Variants in NBEA observed in about 807,000 individuals in gnomAD.
NBEA encodes the protein neurobeachin, also known as lysosomal-trafficking regulator 2.
In NBEA, 44 loss-of-function variants were observed where a neutral mutation model predicts 343.4. The ratio of observed to expected loss-of-function variants is 0.13; its 90% CI spans 0.10 to 0.16. The LOEUF is 0.16. Ranked by LOEUF, NBEA falls within the 10% of genes least tolerant of loss-of-function variation. The probability of loss-of-function intolerance (pLI) is 1.00; values close to 1 mark genes in which losing one functional copy is unlikely to be tolerated. For missense variants in NBEA, 2,555 were observed against 3,631.3 expected (o/e 0.70, Z 7.62); for synonymous variants, 1,175 against 1,238.7 (o/e 0.95, Z 1.08).
chr13:34,987,819 C>T lies in NBEA; in HGVS notation c.294+44705C>T, dbSNP rs370923792. ...AAGCTTGTGCATGCATCACATAGTT[C>T]TCATGCCATGCTTTTCAGCTCCATC... On this transcript the variant is annotated intron_variant, in intron 1 of 58. Transcript: ENST00000379939. Among the ~76,000 whole-genome samples, 131 of 151,270 alleles carry T rather than the reference C, an allele frequency of 8.7e-4. 1 individual carries two copies. Among genetic ancestry groups the T allele is most frequent in the African/African-American group, 3.0e-3 (126 of 41,486 alleles).
chr13:35,199,474 C>T (rs1044233165), intron 31 of NBEA, among the ~76,000 whole-genome samples: 5 of 152,064 alleles, frequency 3.3e-5, no homozygotes, highest in Non-Finnish European at 5.9e-5. Flanking sequence ...CTCAGTTGGT[C>T]GCTTCTTTGT....
chr13:35,318,330 A>G (rs967146980), intron 36 of NBEA, among the ~76,000 whole-genome samples: 8 of 152,182 alleles, frequency 5.3e-5, no homozygotes, highest in African/African-American at 1.9e-4. Context: ...AATTTTATCA[A>G]AGGTCTTTTT....
At chr13:35,553,842 C>T (rs1258365846) in intron 43 of NBEA, among the ~76,000 whole-genome samples, 10 of 152,154 alleles carry the variant, frequency 6.6e-5, no homozygotes, top group African/African-American at 2.4e-5. Flanking sequence ...TCAGATACCA[C>T]ACAAACTATT....
intron 38 of NBEA, among the ~76,000 whole-genome samples, chr13:35,391,972 T>G (rs1222045803): frequency 6.6e-6 from 1 of 152,126 alleles, no homozygotes; most frequent in African/African-American, 2.4e-5. Context: ...GCTACTTTCA[T>G]TAATATGAGT....
At chr13:35,104,520 C>A (rs1317534255) in intron 11 of NBEA, among the ~76,000 whole-genome samples, 1 of 151,860 alleles carries the variant, frequency 6.6e-6, no homozygotes, top group African/African-American at 2.4e-5. Context: ...GTCTGATTAC[C>A]TGCAAAGAGT....
chr13:35,578,095 A>G (rs1282156327), intron 45 of NBEA, among the ~76,000 whole-genome samples: 2 of 152,216 alleles, frequency 1.3e-5, no homozygotes, highest in Non-Finnish European at 2.9e-5. Flanking sequence ...TAGCAGTTCA[A>G]TGTCTTAAAA....
intron 49 of NBEA, among the ~76,000 whole-genome samples, chr13:35,643,001 C>G (rs1312172662): frequency 6.6e-6 from 1 of 150,724 alleles, no homozygotes. Context: ...CCTTGCAGAC[C>G]AATGTATAGA....
intron 55 of NBEA, among the ~76,000 whole-genome samples, chr13:35,657,853 G>A (rs2084892363): frequency 6.6e-6 from 1 of 151,868 alleles, no homozygotes; most frequent in East Asian, 1.9e-4. Context: ...TCCAAAAAGG[G>A]GATTTATTTC....
At chr13:35,563,985 G>T (rs1398838106) in intron 44 of NBEA, among the ~76,000 whole-genome samples, 5 of 151,912 alleles carry the variant, frequency 3.3e-5, no homozygotes, top group East Asian at 3.9e-4. Flanking sequence ...TGTCACCCAG[G>T]TGATAAGCAT....
chr13:35,155,018 T>G (rs892734781), intron 18 of NBEA, among the ~76,000 whole-genome samples: 1 of 150,044 alleles, frequency 6.7e-6, no homozygotes, highest in Non-Finnish European at 1.5e-5. Context: ...TAGCCCCAGC[T>G]ACTTGGGAGA....
At chr13:35,528,984 T>C (rs1054978962) in intron 41 of NBEA, among the ~76,000 whole-genome samples, 1 of 152,170 alleles carries the variant, frequency 6.6e-6, no homozygotes, top group Non-Finnish European at 1.5e-5. Flanking sequence ...AGAGGGTAAA[T>C]CTAATTTTGA....
In NBEA at chr13:35,195,951, A is replaced by C; in HGVS notation, c.5015A>C (p.His1672Pro). ...ATTCAGGTAGAAAGTTCAATTCCCC[A>C]TACAGATTCAGGAATTGGAGAGGAG... is the stretch of plus-strand genomic sequence containing the variant. ...EDIQVESSIP[H>P]TDSGIGEEQV... is the part of the protein sequence containing the mutation. The change falls in exon 31 of 59, where the codon CAT becomes CCT. Residue 1672 changes from histidine to proline, a missense_variant. Transcript: ENST00000379939. The C allele has an allele frequency of 6.2e-7, 1 of 1,613,608 alleles. No homozygotes were observed. Among genetic ancestry groups the C allele is most frequent in the East Asian group, 2.2e-5 (1 of 44,780 alleles).
At chr13:35,103,599 C>T (rs1463741805) in intron 11 of NBEA, among the ~76,000 whole-genome samples, 2 of 151,722 alleles carry the variant, frequency 1.3e-5, no homozygotes, top group African/African-American at 4.8e-5. Context: ...TAATTACTCT[C>T]AATTGTTTCT....
At chr13:35,241,067 A>G (rs2030178320) in intron 34 of NBEA, among the ~76,000 whole-genome samples, 1 of 151,928 alleles carries the variant, frequency 6.6e-6, no homozygotes, top group South Asian at 2.1e-4. Flanking sequence ...CCATGTTAAT[A>G]TATCAATTTT....
chr13:35,041,140 A>G lies in NBEA; in HGVS notation c.502A>G (p.Ser168Gly). The change falls in exon 2 of 59, where the codon AGT (serine) becomes GGT (glycine). Residue 168 changes from serine (S) to glycine (G), a missense_variant. Around this residue, in one of 21 missense-constraint regions of NBEA, gnomAD observed 185 missense variants for 290.6 expected, o/e 0.64. Transcript: ENST00000379939. ...AATTGAACAAGTATTGCTGAAAATG[A>G]GTGCTGTAGATGACATGATAGCAGG... ...GLIEQVLLKM[S>G]AVDDMIADLL... 6.2e-7 allele frequency: 1 copy of G among 1,611,810 alleles called. No individual in the cohort carries two copies. The highest frequency in any genetic ancestry group is 2.0e-4 in the Middle Eastern group (1 of 5,022).
At chr13:34,986,347 G>C (rs2060546000) in intron 1 of NBEA, among the ~76,000 whole-genome samples, 1 of 150,872 alleles carries the variant, frequency 6.6e-6, no homozygotes, top group Non-Finnish European at 1.5e-5. Flanking sequence ...GTGCGGTTTT[G>C]AGTGAGTTTC....
At chr13:34,958,117 A>G (rs1052465208) in intron 1 of NBEA, among the ~76,000 whole-genome samples, 2 of 152,124 alleles carry the variant, frequency 1.3e-5, no homozygotes, top group Non-Finnish European at 2.9e-5. Flanking sequence ...ATTATAAATA[A>G]AGCATACTTA....
At chr13:35,643,520 G>T (rs907074202) in intron 49 of NBEA, among the ~76,000 whole-genome samples, 1 of 152,178 alleles carries the variant, frequency 6.6e-6, no homozygotes, top group Non-Finnish European at 1.5e-5. Flanking sequence ...TTATACAAAT[G>T]CCCTGCTTCT....
intron 33 of NBEA, among the ~76,000 whole-genome samples, chr13:35,227,009 T>TA (rs1462014950): frequency 1.3e-5 from 2 of 152,172 alleles, no homozygotes; most frequent in Admixed American, 6.6e-5. Flanking sequence ...TTCAATTTCT[T>TA]AGTCTTCTAT....
Sources: gnomAD v4.1 joint callset for allele counts (sites outside exome capture counted in the v4.1 genomes callset) on GRCh38, gnomAD v4.1.1 for gene constraint, gnomAD v4.1.1 regional missense constraint, MANE v1.5 for transcripts, NCBI Gene and HGNC (gene_info 2026-07-23, HGNC 2026-07-21) for gene names.